The following GDA variants were observed in gnomAD, a reference collection of about 807,000 sequenced individuals.
The protein encoded by GDA is guanine deaminase.
GDA carries 18 observed loss-of-function variants against 59.6 expected under a neutral mutation model. That is an observed-to-expected ratio of 0.30 (90% CI 0.21 to 0.45). The LOEUF is 0.45. GDA is among the 20% of genes least tolerant of loss of function. The probability of loss-of-function intolerance (pLI) is 1.00; values close to 1 mark genes in which losing one functional copy is unlikely to be tolerated. For synonymous variants in GDA, 201 were observed against 201.1 expected (o/e 1.00, Z 0.00); for missense variants, 427 against 552.3 (o/e 0.77, Z 2.27).
chr9:72,250,663 T>C lies in GDA; in HGVS notation c.*2321T>C, dbSNP rs1840591191. 1 of 1,608,072 alleles carries C rather than the reference T, an allele frequency of 6.2e-7. No individual in the cohort carries two copies. Among genetic ancestry groups the C allele is most frequent in the Non-Finnish European group, 8.5e-7 (1 of 1,178,132 alleles). The stretch of plus-strand genomic sequence containing the variant: ...TTTGAAATGTTGCCTTTGCCTAATG[T>C]AGGTTGACTTTCTGAATTGTGGAGA... On this transcript the variant is annotated 3_prime_UTR_variant, in exon 14 of 14. Coordinates refer to ENST00000358399, the MANE Select transcript of GDA (RefSeq NM_004293.5).
chr9:72,232,250 C>G (rs967613027), intron 10 of GDA, among the ~76,000 whole-genome samples: 9 of 152,178 alleles, frequency 5.9e-5, no homozygotes, highest in Admixed American at 1.3e-4. Flanking sequence ...CATGTTGACA[C>G]TGGTGGTTTT....
chr9:72,235,420 A>G (rs1278416892), intron 10 of GDA, among the ~76,000 whole-genome samples: 1 of 152,258 alleles, frequency 6.6e-6, no homozygotes, highest in African/African-American at 2.4e-5. Context: ...CAAGTATAAT[A>G]CATAATTCTG....
At chr9:72,151,227 A>G (rs533310824) in intron 1 of GDA, among the ~76,000 whole-genome samples, 1 of 152,344 alleles carries the variant, frequency 6.6e-6, no homozygotes, top group Non-Finnish European at 1.5e-5. Context: ...ACTAAAAATC[A>G]TACTGAAGTT....
At chr9:72,214,950 TC>T in intron 5 of GDA, 7 of 184,736 alleles carry the variant, frequency 3.8e-5, no homozygotes, top group Non-Finnish European at 8.0e-5. Context: ...GCCAGGCTGG[TC>T]TTGAACTCCT....
At chr9:72,236,564 A>G (rs2131724892) in intron 10 of GDA, among the ~76,000 whole-genome samples, 1 of 152,242 alleles carries the variant, frequency 6.6e-6, no homozygotes, top group South Asian at 2.1e-4. Flanking sequence ...AAAAACAACA[A>G]CAACAAAACC....
intron 4 of GDA, among the ~76,000 whole-genome samples, chr9:72,213,233 A>T (rs1280143655): frequency 6.6e-6 from 1 of 152,132 alleles, no homozygotes; most frequent in Non-Finnish European, 1.5e-5. Context: ...ACGCCACTGC[A>T]CTCCAGGCTG....
At chr9:72,148,995 G>A (rs1205552427), upstream of GDA, among the ~76,000 whole-genome samples, 1 of 152,226 alleles carries the variant, frequency 6.6e-6, no homozygotes, top group Admixed American at 6.5e-5. Flanking sequence ...CCCCAGAGAT[G>A]TTCGGTAAGA....
chr9:72,241,623 A>C (rs1213284446), intron 11 of GDA, among the ~76,000 whole-genome samples: 1 of 152,100 alleles, frequency 6.6e-6, no homozygotes, highest in Non-Finnish European at 1.5e-5. Context: ...GAATCACAGT[A>C]ACTTACGTCT....
chr9:72,243,060 T>C lies in GDA; in HGVS notation c.1135+1762T>C, dbSNP rs1275217973. Among the ~76,000 whole-genome samples, 7 of 152,228 alleles carry C rather than the reference T, an allele frequency of 4.6e-5. No individual in the cohort carries two copies. The East Asian group carries it at 1.4e-3, about 29-fold the overall frequency. On this transcript the variant is annotated intron_variant, in intron 11 of 13. Coordinates refer to ENST00000358399, the MANE Select transcript of GDA (RefSeq NM_004293.5). ...GTTTGTTTCTCTACTATAGTCAGAG[T>C]AAAATGAGATGAATGGATCTGTATT...
At chr9:72,201,877 G>A (rs1834045685) in intron 2 of GDA, among the ~76,000 whole-genome samples, 2 of 152,240 alleles carry the variant, frequency 1.3e-5, no homozygotes, top group South Asian at 4.2e-4. Flanking sequence ...GATCATGGTG[G>A]TAGCATTAGT....
intron 1 of GDA, among the ~76,000 whole-genome samples, chr9:72,187,032 T>C (rs1389711110): frequency 6.6e-6 from 1 of 152,248 alleles, no homozygotes; most frequent in African/African-American, 2.4e-5. Flanking sequence ...TTTCATACTT[T>C]GCATTTTCAT....
At chr9:72,147,388 A>G (rs954047257), upstream of GDA, among the ~76,000 whole-genome samples, 23 of 152,078 alleles carry the variant, frequency 1.5e-4, no homozygotes, top group African/African-American at 5.3e-4. Context: ...TTGTATTTTT[A>G]GTAGAGATGG....
chr9:72,144,701 C>T (rs1224585771), upstream of GDA, among the ~76,000 whole-genome samples: 1 of 152,172 alleles, frequency 6.6e-6, no homozygotes, highest in Non-Finnish European at 1.5e-5. Flanking sequence ...GGCATAACTA[C>T]ACTATACAGA....
chr9:72,203,970 C>A (rs1440484377), intron 3 of GDA, among the ~76,000 whole-genome samples: 1 of 152,022 alleles, frequency 6.6e-6, no homozygotes, highest in Non-Finnish European at 1.5e-5. Context: ...GCACCTGCCA[C>A]CACACCCAGC....
At chr9:72,147,456 G>A (rs1269917374), upstream of GDA, among the ~76,000 whole-genome samples, 4 of 152,090 alleles carry the variant, frequency 2.6e-5, no homozygotes, top group East Asian at 3.9e-4. Context: ...CACCCGCCTC[G>A]GCCTCCCAAA....
Position 72,247,407 on chromosome 9 carries a change from C to A in GDA, c.1268C>A (p.Ala423Asp). 6.7e-7 allele frequency: 1 copy of A among 1,481,552 alleles called. No homozygotes were observed. Among genetic ancestry groups the A allele is most frequent in the Non-Finnish European group, 9.4e-7 (1 of 1,059,416 alleles). 91.8% of individuals were successfully genotyped at this position (1,481,552 alleles called of 1,614,324 possible). Reference sequence around the variant, plus strand: ...TATTACTTTTATTTTCCATTTTAGGCTGTTATCCAGAAGTTCCTCTATCTA... The same window carrying A: ...TATTACTTTTATTTTCCATTTTAGGATGTTATCCAGAAGTTCCTCTATCTA... ...YGDFFGDISE[A>D]VIQKFLYLGD... The change falls in exon 13 of 14, where the codon GCT (alanine) becomes GAT (aspartate). Residue 423 changes from alanine (A) to aspartate (D), a missense_variant and splice_region_variant. By Grantham distance (126) the Ala-to-Asp change is moderately radical (BLOSUM62 -2). Transcript: ENST00000358399.
chr9:72,142,861 T>C (rs781630591), intron 1 of GDA, among the ~76,000 whole-genome samples: 63 of 140,942 alleles, frequency 4.5e-4, no homozygotes, highest in Middle Eastern at 4.5e-3. Flanking sequence ...CTCTGCCTCC[T>C]GGGTTCAAGC....
At chr9:72,256,694 T>C (rs1357424447), downstream of GDA, among the ~76,000 whole-genome samples, 2 of 152,212 alleles carry the variant, frequency 1.3e-5, no homozygotes, top group Non-Finnish European at 2.9e-5. Context: ...CCAGTCTTCG[T>C]AAGAATCACC....
chr9:72,210,583 TA>T, intron 3 of GDA, 103 bp from the exon 4 acceptor site: 1 of 680,168 alleles, frequency 1.5e-6, no homozygotes, highest in Admixed American at 2.4e-5. Context: ...TACCTTTAAA[TA>T]AAAACATTTT....
Sources: allele counts gnomAD v4.1 joint callset (sites outside exome capture counted in the v4.1 genomes callset), GRCh38; gene constraint gnomAD v4.1.1; transcripts MANE v1.5; gene names NCBI Gene and HGNC (gene_info 2026-07-23, HGNC 2026-07-21).